Variants in WDR7 observed in about 807,000 individuals in gnomAD.
The protein encoded by WDR7 is WD repeat-containing protein 7.
A neutral mutation model predicts 169.4 loss-of-function variants in WDR7; 46 were observed. The ratio of observed to expected loss-of-function variants is 0.27; its 90% CI spans 0.21 to 0.35. WDR7 has a LOEUF of 0.35. Among genes scored for constraint, WDR7 ranks in the 10% least tolerant of loss-of-function variants. The probability of loss-of-function intolerance (pLI) is 1.00; values close to 1 mark genes in which losing one functional copy is unlikely to be tolerated. For missense variants in WDR7, 1,534 were observed against 1,859.3 expected (o/e 0.83, Z 3.22); for synonymous variants, 612 against 666.8 (o/e 0.92, Z 1.27).
At chr18:56,755,374 G>A (rs1030854049) in intron 14 of WDR7, among the ~76,000 whole-genome samples, 1 of 152,156 alleles carries the variant, frequency 6.6e-6, no homozygotes, top group Non-Finnish European at 1.5e-5. Flanking sequence ...TTGGTAGAGT[G>A]ACATGATTAG....
intron 1 of WDR7, among the ~76,000 whole-genome samples, chr18:56,666,179 T>C (rs2144488486): frequency 6.7e-6 from 1 of 149,972 alleles, no homozygotes; most frequent in Admixed American, 6.8e-5. Flanking sequence ...CTTAGGATAC[T>C]ATTTCATCTT....
intron 20 of WDR7, among the ~76,000 whole-genome samples, chr18:56,848,733 C>G (rs1020390078): frequency 6.6e-6 from 1 of 152,000 alleles, no homozygotes; most frequent in African/African-American, 2.4e-5. Context: ...GCACCTCCCC[C>G]CACCTCCTTG....
At chr18:56,823,407 C>A (rs981599053) in intron 20 of WDR7, among the ~76,000 whole-genome samples, 5 of 152,006 alleles carry the variant, frequency 3.3e-5, no homozygotes, top group African/African-American at 1.2e-4. Flanking sequence ...TAGTATAAAC[C>A]CATCTCTACT....
chr18:56,678,924 C>G (rs2025301078), intron 2 of WDR7, among the ~76,000 whole-genome samples: 1 of 152,242 alleles, frequency 6.6e-6, no homozygotes, highest in Admixed American at 6.5e-5. Flanking sequence ...CAAATGGAGT[C>G]TCTCTCTCTG....
chr18:56,855,201 A>G (rs191962635), intron 20 of WDR7, among the ~76,000 whole-genome samples: 2 of 150,332 alleles, frequency 1.3e-5, no homozygotes, highest in African/African-American at 2.4e-5. Context: ...CGTGTTTCCT[A>G]TTCTGTGAAA....
intron 26 of WDR7, among the ~76,000 whole-genome samples, chr18:56,967,711 G>A (rs1475661524): frequency 2.0e-5 from 3 of 152,150 alleles, no homozygotes; most frequent in Non-Finnish European, 4.4e-5. Flanking sequence ...TCATCCTTGG[G>A]TGGAGTATCC....
At chr18:56,654,400 G>C (rs936907066) in intron 1 of WDR7, among the ~76,000 whole-genome samples, 3 of 152,206 alleles carry the variant, frequency 2.0e-5, no homozygotes, top group Non-Finnish European at 4.4e-5. Context: ...AAAGTGCTGG[G>C]ATTACAGGCA....
At position 56,718,057 on chromosome 18, in the gene WDR7, C is replaced by T. The variant is rs760662291; in HGVS notation, c.1672C>T (p.Arg558Cys). 18 of 1,614,024 alleles carry T rather than the reference C, an allele frequency of 1.1e-5. No homozygotes were observed. In the Middle Eastern group the frequency reaches 4.9e-4, roughly 44 times the overall value. The change falls in exon 13 of 28, where the codon CGT (arginine) becomes TGT (cysteine). Residue 558 changes from arginine (R) to cysteine (C), a missense_variant. Physicochemically the swap from Arg to Cys is radical, Grantham distance 180 (BLOSUM62 -3). Coordinates refer to ENST00000254442, the MANE Select transcript of WDR7 (RefSeq NM_015285.3). ...REKKCIMLASRHLFPIQVIKW... is the reference protein window; with the variant it reads ...REKKCIMLASCHLFPIQVIKW... The stretch of plus-strand genomic sequence containing the variant: ...GAAAAAATGCATAATGTTGGCATCT[C>T]GTCACCTTTTTCCTATTCAAGTAAT...
In WDR7 at chr18:56,681,390, A is replaced by G; in HGVS notation, c.344A>G (p.Gln115Arg). The G allele has an allele frequency of 6.4e-7, 1 of 1,568,688 alleles. No homozygotes were observed. The highest frequency in any genetic ancestry group is 1.7e-4 in the Middle Eastern group (1 of 5,862). Residue 115 changes from glutamine to arginine, a missense_variant and splice_region_variant, in exon 4 of 28, where the codon CAG (glutamine) becomes CGG (arginine). Transcript: ENST00000254442. The part of the protein sequence containing the change: ...TKLACTHTGI[Q>R]FYQFSVGNQR... ...TTAGCTTGCACACATACTGGCATAC[A>G]GGTTAGTTTCTATTTCTGTGACTCT...
At position 56,897,901 on chromosome 18, in the gene WDR7, C is replaced by T. The variant is rs556637354; in HGVS notation, c.3526+17736C>T. ...AATAAATATAAATACTTTTTTATACCTTGATTGGTGTGGAGACGTATATTT... is the reference window on the plus strand; with the variant it reads ...AATAAATATAAATACTTTTTTATACTTTGATTGGTGTGGAGACGTATATTT... On this transcript the variant is annotated intron_variant, in intron 21 of 27. Coordinates refer to ENST00000254442, the MANE Select transcript of WDR7 (RefSeq NM_015285.3). Among the ~76,000 whole-genome samples the T allele has an allele frequency of 6.6e-5, 10 of 151,700 alleles. No individual in the cohort carries two copies. In the East Asian group the frequency reaches 1.9e-3, roughly 29 times the overall value.
intron 1 of WDR7, among the ~76,000 whole-genome samples, chr18:56,669,677 T>C (rs945521229): frequency 3.9e-5 from 6 of 152,086 alleles, no homozygotes; most frequent in Admixed American, 1.3e-4. Flanking sequence ...TTTGGAGAAT[T>C]AGTAAGGTAA....
At chr18:56,740,963 T>C (rs1038760304) in intron 14 of WDR7, among the ~76,000 whole-genome samples, 3 of 152,162 alleles carry the variant, frequency 2.0e-5, no homozygotes, top group African/African-American at 7.2e-5. Flanking sequence ...GTATTCCCAG[T>C]GATGGTCCTA....
intron 19 of WDR7, among the ~76,000 whole-genome samples, chr18:56,783,307 T>C (rs1307183607): frequency 2.0e-5 from 3 of 152,124 alleles, no homozygotes; most frequent in Non-Finnish European, 4.4e-5. Context: ...AACTTTGTCT[T>C]TGAGTAGATG....
chr18:56,679,777 G>C (rs1462483517), intron 3 of WDR7, among the ~76,000 whole-genome samples: 3 of 152,070 alleles, frequency 2.0e-5, no homozygotes, highest in Non-Finnish European at 2.9e-5. Flanking sequence ...TTAAAAACCT[G>C]AATGATGCTA....
intron 20 of WDR7, among the ~76,000 whole-genome samples, chr18:56,861,611 G>A (rs1041670502): frequency 2.0e-5 from 3 of 151,800 alleles, no homozygotes; most frequent in Non-Finnish European, 4.4e-5. Flanking sequence ...ACTTATTTGT[G>A]GTTTCATTTT....
At chr18:56,849,572 TC>T (rs2045613225) in intron 20 of WDR7, among the ~76,000 whole-genome samples, 1 of 152,198 alleles carries the variant, frequency 6.6e-6, no homozygotes, top group South Asian at 2.1e-4. Context: ...TTTCCACTTT[TC>T]TTCAACTCCA....
chr18:56,699,407 T>G (rs1196182460), intron 12 of WDR7, among the ~76,000 whole-genome samples: 1 of 152,228 alleles, frequency 6.6e-6, no homozygotes, highest in Non-Finnish European at 1.5e-5. Context: ...TTATTTTTGT[T>G]TAAACGTTTT....
At chr18:56,710,004 T>G (rs900040879) in intron 12 of WDR7, among the ~76,000 whole-genome samples, 1 of 65,652 alleles carries the variant, frequency 1.5e-5, no homozygotes, top group Non-Finnish European at 2.7e-5. Flanking sequence ...ATATATATAG[T>G]TGTTTTTTTT....
At chr18:56,864,289 A>G (rs190853482) in intron 20 of WDR7, among the ~76,000 whole-genome samples, 7 of 151,698 alleles carry the variant, frequency 4.6e-5, no homozygotes, top group South Asian at 2.1e-4. Flanking sequence ...GAAAATATCA[A>G]ATATCATCTG....
Sources: allele counts gnomAD v4.1 joint callset (sites outside exome capture counted in the v4.1 genomes callset), GRCh38; gene constraint gnomAD v4.1.1; transcripts MANE v1.5; gene names NCBI Gene and HGNC (gene_info 2026-07-23, HGNC 2026-07-21).